The following NRCAM variants were observed in gnomAD, a reference collection of about 807,000 sequenced individuals.
NRCAM encodes the protein NgCAM-related cell adhesion molecule.
NRCAM carries 83 observed loss-of-function variants against 156.5 expected under a neutral mutation model. The ratio of observed to expected loss-of-function variants is 0.53; its 90% CI spans 0.44 to 0.64. The LOEUF is 0.64. Ranked by LOEUF, NRCAM falls within the 30% of genes least tolerant of loss-of-function variation. The pLI, the probability that NRCAM is intolerant of heterozygous loss-of-function variation, is 0.00. For synonymous variants in NRCAM, 538 were observed against 563.9 expected (o/e 0.95, Z 0.65); for missense variants, 1,417 against 1,597.3 (o/e 0.89, Z 1.92).
In NRCAM at chr7:108,234,356, A is replaced by G. The variant is rs187601144; in HGVS notation, c.230+227T>C. ...CACCTACAGGTGAGACTTTAGGGAT[A>G]TGCAGGACCCAAGAAGTTACCTTCA... On this transcript the variant is annotated intron_variant, in intron 6 of 32. Transcript: ENST00000379028. Among the ~76,000 whole-genome samples, 38 of 152,280 alleles carry G rather than the reference A, an allele frequency of 2.5e-4. No homozygotes were observed. In the East Asian group the frequency reaches 7.3e-3, roughly 29 times the overall value.
chr7:108,329,804 T>C (rs1242336651), intron 2 of NRCAM, among the ~76,000 whole-genome samples: 1 of 152,192 alleles, frequency 6.6e-6, no homozygotes, highest in South Asian at 2.1e-4. Context: ...TCAGAGAATC[T>C]TGACTGGCTC....
intron 26 of NRCAM, among the ~76,000 whole-genome samples, chr7:108,177,624 AATATATATAT>A (rs59391934): frequency 0.053 from 4,254 of 79,748 alleles, 95 homozygotes; most frequent in Middle Eastern, 0.093. Context: ...CTCCATCTCA[AATATATATAT>A]ATATATATAT....
chr7:108,363,968 G>A (rs529534028), intron 2 of NRCAM, among the ~76,000 whole-genome samples: 10 of 151,878 alleles, frequency 6.6e-5, no homozygotes, highest in African/African-American at 2.4e-4. Flanking sequence ...TGGGACAGAA[G>A]AAAAAAACAA....
chr7:108,433,498 G>T (rs1250193338), intron 1 of NRCAM, among the ~76,000 whole-genome samples: 1 of 152,198 alleles, frequency 6.6e-6, no homozygotes, highest in African/African-American at 2.4e-5. Context: ...CAATATGGGG[G>T]ATTATTGGCC....
At chr7:108,283,594 A>C (rs1306933414) in intron 3 of NRCAM, among the ~76,000 whole-genome samples, 2 of 152,196 alleles carry the variant, frequency 1.3e-5, no homozygotes, top group Non-Finnish European at 2.9e-5. Flanking sequence ...AGGCTGGATC[A>C]CTTCCAGGAG....
intron 26 of NRCAM, among the ~76,000 whole-genome samples, chr7:108,177,739 C>CAAAATGAT (rs1208289977): frequency 6.8e-6 from 1 of 146,654 alleles, no homozygotes; most frequent in African/African-American, 2.6e-5. Context: ...ATATATGATA[C>CAAAATGAT]AAAATGATAG....
rs532354899 is a variant in NRCAM at position 108,243,735 on chromosome 7, C to T, written c.-106-3565G>A. Among the ~76,000 whole-genome samples the T allele has an allele frequency of 7.2e-5, 11 of 152,244 alleles. No homozygotes were observed. The South Asian group carries it at 1.7e-3, about 23-fold the overall frequency. ...ACCCTATTTAAAATCACACATATTG[C>T]TAAAAGGACTGAGAGTAATGATAAA... On this transcript the variant is annotated intron_variant, in intron 3 of 32. Transcript: ENST00000379028.
intron 2 of NRCAM, among the ~76,000 whole-genome samples, chr7:108,378,685 A>G (rs1289677329): frequency 6.9e-6 from 1 of 144,440 alleles, no homozygotes; most frequent in Non-Finnish European, 1.5e-5. Flanking sequence ...ACACACACAC[A>G]CACAAACTCC....
At chr7:108,318,673 G>A (rs2098962159) in intron 2 of NRCAM, among the ~76,000 whole-genome samples, 1 of 152,030 alleles carries the variant, frequency 6.6e-6, no homozygotes, top group Non-Finnish European at 1.5e-5. Flanking sequence ...TGGAGAAGGT[G>A]GTGATAAGAA....
intron 1 of NRCAM, among the ~76,000 whole-genome samples, chr7:108,447,259 C>CTTTTTTTTTT (rs34273772): frequency 3.6e-5 from 3 of 84,254 alleles, no homozygotes; most frequent in Non-Finnish European, 6.7e-5. Flanking sequence ...TCACTTCTTT[C>CTTTTTTTTTT]TTTTTTTTTT....
intron 2 of NRCAM, among the ~76,000 whole-genome samples, chr7:108,319,356 G>T (rs928844495): frequency 2.6e-5 from 4 of 152,074 alleles, no homozygotes; most frequent in Admixed American, 2.6e-4. Flanking sequence ...GCACTGTTCT[G>T]GGCACTGAGG....
intron 2 of NRCAM, among the ~76,000 whole-genome samples, chr7:108,371,620 C>G (rs2099629178): frequency 6.6e-6 from 1 of 152,114 alleles, no homozygotes; most frequent in Admixed American, 6.6e-5. Context: ...TTGAATATCT[C>G]TAGGTGTAAG....
At chr7:108,441,699 G>A in intron 1 of NRCAM, among the ~76,000 whole-genome samples, 1 of 152,160 alleles carries the variant, frequency 6.6e-6, no homozygotes, top group Non-Finnish European at 1.5e-5. Context: ...CTAAGCCTCA[G>A]TTTCCTCATC....
chr7:108,203,813 G>C (rs1380340725), intron 13 of NRCAM, among the ~76,000 whole-genome samples: 2 of 152,140 alleles, frequency 1.3e-5, no homozygotes, highest in African/African-American at 4.8e-5. Flanking sequence ...GCAGCAGCTG[G>C]TCCACCTGCA....
intron 1 of NRCAM, among the ~76,000 whole-genome samples, chr7:108,436,599 T>C (rs1832513266): frequency 6.6e-6 from 1 of 152,214 alleles, no homozygotes. Flanking sequence ...CTCTCTGCTT[T>C]TGCATTTAAA....
chr7:108,207,475 T>C, intron 13 of NRCAM, 53 bp downstream of exon 13: 1 of 1,559,334 alleles, frequency 6.4e-7, no homozygotes, highest in Non-Finnish European at 8.8e-7. Context: ...ACTGTCGGGA[T>C]GTATATATGC....
intron 2 of NRCAM, among the ~76,000 whole-genome samples, chr7:108,358,187 C>A (rs569443052): frequency 6.6e-6 from 1 of 150,568 alleles, no homozygotes; most frequent in East Asian, 2.0e-4. Context: ...GCAGGAGGAT[C>A]ACTCGAGCCC....
chr7:108,234,889 C>T lies in NRCAM; in HGVS notation c.125-201G>A, dbSNP rs1176453459. 3 of 726,750 alleles carry T rather than the reference C, an allele frequency of 4.1e-6. No homozygotes were observed. The South Asian group carries it at 4.2e-5, about 10-fold the overall frequency. 45.0% of individuals were successfully genotyped at this position (726,750 alleles called of 1,614,324 possible). On this transcript the variant is annotated intron_variant, in intron 5 of 32. Transcript: ENST00000379028. ...AACTGTGAAGTCAAGGTTTAACTTT[C>T]TTTCGGTAACTATGTGTACTTGCAA... is the stretch of plus-strand genomic sequence containing the variant.
intron 19 of NRCAM, among the ~76,000 whole-genome samples, chr7:108,190,283 G>A (rs2070369354): frequency 2.0e-5 from 3 of 152,210 alleles, no homozygotes; most frequent in Admixed American, 2.0e-4. Flanking sequence ...GCATGCATAA[G>A]TGTGTTTACT....
Sources: gnomAD v4.1 joint callset for allele counts (sites outside exome capture counted in the v4.1 genomes callset) on GRCh38, gnomAD v4.1.1 for gene constraint, MANE v1.5 for transcripts, NCBI Gene and HGNC (gene_info 2026-07-23, HGNC 2026-07-21) for gene names.